The following RAB14 variants were observed in gnomAD, a reference collection of about 807,000 sequenced individuals.
RAB14 encodes the protein ras-related protein Rab-14.
A neutral mutation model predicts 31.1 loss-of-function variants in RAB14; 3 were observed. That is an observed-to-expected ratio of 0.10 (90% confidence interval 0.04 to 0.25). The LOEUF is 0.25. Among genes scored for constraint, RAB14 ranks in the 10% least tolerant of loss-of-function variants. The pLI is 1.00. For missense variants in RAB14, 111 were observed against 260.1 expected, an observed-to-expected ratio of 0.43 and a Z score of 3.94; for synonymous variants, 85 against 84.9, an observed-to-expected ratio of 1.00 and a Z score of 0.00.
intron 4 of RAB14, 135 bp from the exon 5 acceptor site, chr9:121,187,154 G>A (rs2053663213): frequency 6.3e-6 from 3 of 477,348 alleles, no homozygotes; most frequent in Non-Finnish European, 1.1e-5. Context: ...AACAGTAGTT[G>A]TGAAATACAA....
chr9:121,195,726 A>G (rs1027692059), intron 1 of RAB14, among the ~76,000 whole-genome samples: 5 of 152,146 alleles, frequency 3.3e-5, no homozygotes, highest in African/African-American at 1.2e-4. Flanking sequence ...TAAAAACCAT[A>G]AAAGCAGAAT....
chr9:121,200,199 C>T (rs1487693396), intron 1 of RAB14, among the ~76,000 whole-genome samples: 2 of 152,112 alleles, frequency 1.3e-5, no homozygotes, highest in African/African-American at 2.4e-5. Context: ...TACCTCTAGG[C>T]ATGATCAAAT....
At chr9:121,186,185 A>ACCC (rs1199303626) in intron 5 of RAB14, among the ~76,000 whole-genome samples, 1 of 151,714 alleles carries the variant, frequency 6.6e-6, no homozygotes, top group Non-Finnish European at 1.5e-5. Context: ...AACTTCACTC[A>ACCC]CCCCTCAAGG....
At chr9:121,183,110 A>T (rs2053642048) in intron 6 of RAB14, 150 bp from the exon 7 acceptor site, 1 of 815,920 alleles carries the variant, frequency 1.2e-6, no homozygotes, top group South Asian at 1.7e-5. Context: ...GGTGGAGAGC[A>T]TCTTTATATT....
At chr9:121,200,331 GT>G (rs2053753752) in intron 1 of RAB14, among the ~76,000 whole-genome samples, 1 of 152,194 alleles carries the variant, frequency 6.6e-6, no homozygotes, top group Non-Finnish European at 1.5e-5. Flanking sequence ...ATAAAAGGCA[GT>G]TGTTCCTCTA....
intron 4 of RAB14, among the ~76,000 whole-genome samples, chr9:121,188,394 C>T (rs145683067): frequency 6.6e-6 from 1 of 151,742 alleles, no homozygotes; most frequent in Admixed American, 6.6e-5. Flanking sequence ...AAGCCTAGTA[C>T]CAAAATCATA....
chr9:121,191,462 C>A (rs1367732158), intron 3 of RAB14, among the ~76,000 whole-genome samples: 1 of 152,064 alleles, frequency 6.6e-6, no homozygotes, highest in Non-Finnish European at 1.5e-5. Context: ...GTAAGTCTCC[C>A]AAAGCACTAC....
intron 1 of RAB14, among the ~76,000 whole-genome samples, chr9:121,199,231 G>A (rs763051992): frequency 4.6e-5 from 7 of 152,200 alleles, no homozygotes; most frequent in Non-Finnish European, 5.9e-5. Flanking sequence ...TGGCAAGGAG[G>A]AGGCAAGTGT....
intron 4 of RAB14, among the ~76,000 whole-genome samples, chr9:121,187,844 T>C (rs1437332877): frequency 6.6e-6 from 1 of 152,068 alleles, no homozygotes; most frequent in East Asian, 1.9e-4. Context: ...ACTCACAGAA[T>C]GTTAGTCTAT....
intron 4 of RAB14, among the ~76,000 whole-genome samples, chr9:121,188,070 TAGTC>T (rs1187382914): frequency 1.2e-4 from 18 of 152,100 alleles, no homozygotes; most frequent in Non-Finnish European, 5.9e-5. Context: ...AAGAACTCCT[TAGTC>T]AGACTTTTAT....
chr9:121,193,318 T>G lies in RAB14; in HGVS notation c.52+43A>C, dbSNP rs760190540. The G allele has an allele frequency of 3.7e-6, 5 of 1,351,842 alleles. No individual in the cohort carries two copies. In the Admixed American group the frequency reaches 7.2e-5, roughly 19 times the overall value. 83.7% of individuals were successfully genotyped at this position (1,351,842 alleles called of 1,614,324 possible). A position where few individuals can be genotyped will look rare whatever the true frequency, so the allele number is the denominator to read the frequency against. ...ATTAACATATAAATATTTTGTATGT[T>G]AACCTTCTTTTGGGAACAAGAGTGT... On this transcript the variant is annotated intron_variant, in intron 2 of 7. Coordinates refer to ENST00000373840, the MANE Select transcript of RAB14 (RefSeq NM_016322.4).
At chr9:121,196,086 T>C (rs1019384939) in intron 1 of RAB14, among the ~76,000 whole-genome samples, 1 of 152,076 alleles carries the variant, frequency 6.6e-6, no homozygotes, top group African/African-American at 2.4e-5. Flanking sequence ...TTTGCTTTAC[T>C]TAGAGAACTC....
At chr9:121,181,744 CTTTTTTTT>C (rs3838268) in intron 7 of RAB14, among the ~76,000 whole-genome samples, 171 bp from the exon 8 acceptor site, 5 of 102,900 alleles carry the variant, frequency 4.9e-5, no homozygotes, top group East Asian at 5.8e-4. Flanking sequence ...AACTATTTTC[CTTTTTTTT>C]TTTTTTTTTT....
chr9:121,199,494 C>T (rs1236211663), intron 1 of RAB14, among the ~76,000 whole-genome samples: 1 of 152,204 alleles, frequency 6.6e-6, no homozygotes, highest in East Asian at 1.9e-4. Flanking sequence ...CAAGTTTTCA[C>T]ATTTTATTTA....
In RAB14 at chr9:121,185,727, T is replaced by C. The variant is rs192842247; in HGVS notation, c.351+1226A>G. ...TGAGAACCAGCTCAACTGCTGCATA[T>C]ATAAAGAATTCATTCCTACGTACGG... On this transcript the variant is annotated intron_variant, in intron 5 of 7. Coordinates refer to ENST00000373840, the MANE Select transcript of RAB14 (RefSeq NM_016322.4). Among the ~76,000 whole-genome samples the C allele has an allele frequency of 1.4e-3, 219 of 152,232 alleles. 1 individual carries two copies. In the Middle Eastern group the frequency reaches 0.017, roughly 12 times the overall value.
chr9:121,184,961 TC>T (rs1380380993), intron 5 of RAB14, among the ~76,000 whole-genome samples: 1 of 152,120 alleles, frequency 6.6e-6, no homozygotes, highest in Non-Finnish European at 1.5e-5. Flanking sequence ...GCTTCTTATC[TC>T]CCTGAAAGGG....
intron 5 of RAB14, 26 bp from the exon 6 acceptor site, chr9:121,183,424 C>A (rs374975966): frequency 1.3e-5 from 19 of 1,508,876 alleles, no homozygotes; most frequent in Non-Finnish European, 1.6e-5. Context: ...AAGAAAGACA[C>A]CTTGTAACAA....
At chr9:121,195,775 A>C (rs1179228545) in intron 1 of RAB14, among the ~76,000 whole-genome samples, 1 of 152,172 alleles carries the variant, frequency 6.6e-6, no homozygotes, top group Non-Finnish European at 1.5e-5. Flanking sequence ...TTCAGTAAAC[A>C]AAGGCAGAAA....
In RAB14 at chr9:121,189,196, T is replaced by C. The variant is rs186769594; in HGVS notation, c.284+1358A>G. On this transcript the variant is annotated intron_variant, in intron 4 of 7. Coordinates refer to ENST00000373840, the MANE Select transcript of RAB14 (RefSeq NM_016322.4). ...ATCACAGTGTTTATCCATTCATCAGTTGATGCATGTTCTGGTTGTTCCCAG... is the reference window on the plus strand; with the variant it reads ...ATCACAGTGTTTATCCATTCATCAGCTGATGCATGTTCTGGTTGTTCCCAG... Among the ~76,000 whole-genome samples, 7 of 152,224 alleles carry C rather than the reference T, an allele frequency of 4.6e-5. No homozygotes were observed. The East Asian group carries it at 5.8e-4, about 13-fold the overall frequency.
Sources: gnomAD v4.1 joint callset for allele counts (sites outside exome capture counted in the v4.1 genomes callset) on GRCh38, gnomAD v4.1.1 for gene constraint, MANE v1.5 for transcripts, NCBI Gene and HGNC (gene_info 2026-07-23, HGNC 2026-07-21) for gene names.